The following OTUD7A variants were observed in gnomAD, a reference collection of about 807,000 sequenced individuals.
The protein encoded by OTUD7A is OTU domain-containing protein 7A.
In OTUD7A, 12 loss-of-function variants were observed where a neutral mutation model predicts 65.7. The ratio of observed to expected loss-of-function variants is 0.18; its 90% CI spans 0.12 to 0.30. OTUD7A has a LOEUF of 0.30. OTUD7A is among the 10% of genes least tolerant of loss of function. OTUD7A has a pLI of 1.00. For missense variants in OTUD7A, 1,148 were observed against 1,304.8 expected, an observed-to-expected ratio of 0.88 and a Z score of 1.85; for synonymous variants, 641 against 586.3, an observed-to-expected ratio of 1.09 and a Z score of -1.35.
At chr15:31,641,080 T>A (rs1891500805) in intron 3 of OTUD7A, among the ~76,000 whole-genome samples, 1 of 152,162 alleles carries the variant, frequency 6.6e-6, no homozygotes, top group African/African-American at 2.4e-5. Flanking sequence ...GTCAAGGGCA[T>A]GAGTGGGTGG....
chr15:31,781,296 G>A (rs1005303931), intron 1 of OTUD7A, among the ~76,000 whole-genome samples: 1 of 152,142 alleles, frequency 6.6e-6, no homozygotes, highest in Non-Finnish European at 1.5e-5. Context: ...CTGTGAGGAG[G>A]CCAAGCCACG....
chr15:31,801,620 C>T (rs1342305296), intron 1 of OTUD7A, among the ~76,000 whole-genome samples: 2 of 152,160 alleles, frequency 1.3e-5, no homozygotes, highest in Admixed American at 6.5e-5. Context: ...ACATCATCTA[C>T]TTTGTGGGTG....
chr15:31,840,123 T>A (rs1328279482), intron 1 of OTUD7A, among the ~76,000 whole-genome samples: 1 of 152,248 alleles, frequency 6.6e-6, no homozygotes, highest in South Asian at 2.1e-4. Flanking sequence ...TAGACTATTA[T>A]AAAATTGAAG....
At chr15:31,620,151 C>T (rs1000746140) in intron 3 of OTUD7A, among the ~76,000 whole-genome samples, 2 of 152,172 alleles carry the variant, frequency 1.3e-5, no homozygotes, top group Non-Finnish European at 2.9e-5. Context: ...TTTTGAGGTG[C>T]TGCTGGATTC....
chr15:31,623,622 T>C (rs552359090), intron 3 of OTUD7A, among the ~76,000 whole-genome samples: 1 of 152,236 alleles, frequency 6.6e-6, no homozygotes, highest in South Asian at 2.1e-4. Context: ...AAAAGCGCAG[T>C]ATTAGGGTGG....
chr15:31,839,252 C>G (rs1050909273), intron 1 of OTUD7A, among the ~76,000 whole-genome samples: 9 of 152,224 alleles, frequency 5.9e-5, no homozygotes, highest in African/African-American at 1.9e-4. Flanking sequence ...CAGGCGCTGG[C>G]CTCAATACTG....
intron 1 of OTUD7A, among the ~76,000 whole-genome samples, chr15:31,715,512 C>G (rs371873239): frequency 4.8e-4 from 68 of 141,904 alleles, no homozygotes; most frequent in African/African-American, 1.7e-3. Context: ...CCCATTATTT[C>G]ACTGCAGTAC....
chr15:31,532,952 A>AAAAAG (rs1566907226), intron 5 of OTUD7A, among the ~76,000 whole-genome samples: 3 of 150,626 alleles, frequency 2.0e-5, no homozygotes, highest in Admixed American at 6.6e-5. Context: ...AAAAAAAAAA[A>AAAAAG]AAGTGTTCAA....
chr15:31,664,692 T>C (rs1024664752), intron 1 of OTUD7A, among the ~76,000 whole-genome samples: 2 of 152,218 alleles, frequency 1.3e-5, no homozygotes, highest in Admixed American at 6.5e-5. Context: ...TTTGTTTTTA[T>C]TGCATTTGCT....
At chr15:31,488,789 T>C (rs1164774930) in intron 10 of OTUD7A, among the ~76,000 whole-genome samples, 1 of 152,226 alleles carries the variant, frequency 6.6e-6, no homozygotes, top group African/African-American at 2.4e-5. Context: ...AGAGGAAAAG[T>C]GGGTGCAAAT....
intron 1 of OTUD7A, among the ~76,000 whole-genome samples, chr15:31,757,667 A>T (rs551773392): frequency 6.6e-6 from 1 of 152,282 alleles, no homozygotes; most frequent in African/African-American, 2.4e-5. Flanking sequence ...TCTCTCTTCC[A>T]AGACACAAAC....
At chr15:31,755,073 G>GTA (rs1197422310) in intron 1 of OTUD7A, among the ~76,000 whole-genome samples, 1 of 151,584 alleles carries the variant, frequency 6.6e-6, no homozygotes, top group Non-Finnish European at 1.5e-5. Flanking sequence ...GTGTGTGTGT[G>GTA]TGTGTGTGAA....
chr15:31,543,255 G>A (rs927075936), intron 5 of OTUD7A, among the ~76,000 whole-genome samples: 2 of 151,806 alleles, frequency 1.3e-5, no homozygotes, highest in African/African-American at 2.4e-5. Context: ...TGATTCATAC[G>A]CATATTTTAG....
At chr15:31,838,278 C>G (rs1419312453) in intron 1 of OTUD7A, among the ~76,000 whole-genome samples, 11 of 152,172 alleles carry the variant, frequency 7.2e-5, no homozygotes, top group Admixed American at 7.2e-4. Flanking sequence ...AATTGGACTT[C>G]AGCAACATTT....
intron 1 of OTUD7A, among the ~76,000 whole-genome samples, chr15:31,860,872 ATTTTT>A (rs5811669): frequency 1.3e-4 from 11 of 87,042 alleles, no homozygotes; most frequent in South Asian, 4.3e-4. Context: ...TGCCCAGCTA[ATTTTT>A]TTTTTTTTTT....
chr15:31,733,901 C>A (rs370586114), intron 1 of OTUD7A, among the ~76,000 whole-genome samples: 12 of 150,756 alleles, frequency 8.0e-5, no homozygotes, highest in African/African-American at 2.9e-4. Context: ...GCTACAGGTA[C>A]GGAGACAGGA....
At chr15:31,527,107 C>G in intron 7 of OTUD7A, 74 bp downstream of exon 7, 1 of 1,585,236 alleles carries the variant, frequency 6.3e-7, no homozygotes, top group East Asian at 2.2e-5. Context: ...GGAGGCCATG[C>G]TGTGGACTCG....
chr15:31,842,248 G>A (rs1404771838), intron 1 of OTUD7A, among the ~76,000 whole-genome samples: 1 of 152,264 alleles, frequency 6.6e-6, no homozygotes, highest in South Asian at 2.1e-4. Context: ...GGCTCCTGCA[G>A]TGTGGGTGTG....
chr15:31,796,629 T>C (rs1213912769), intron 1 of OTUD7A, among the ~76,000 whole-genome samples: 15 of 152,230 alleles, frequency 9.9e-5, no homozygotes, highest in African/African-American at 3.1e-4. Flanking sequence ...ACACAATTAA[T>C]GTAAAAGAGC....
Sources: allele counts gnomAD v4.1 joint callset (sites outside exome capture counted in the v4.1 genomes callset), GRCh38; gene constraint gnomAD v4.1.1; transcripts MANE v1.5; gene names NCBI Gene and HGNC (gene_info 2026-07-23, HGNC 2026-07-21).